Variants in FBXL3 observed in about 807,000 individuals in gnomAD.
FBXL3 encodes F-box and leucine rich repeat protein 3.
FBXL3 carries 14 observed loss-of-function variants against 37.9 expected under a neutral mutation model. The observed-to-expected ratio is 0.37, with a 90% CI of 0.24 to 0.58. The LOEUF (loss-of-function observed/expected upper bound fraction) is 0.58. FBXL3 is among the 20% of genes least tolerant of loss of function. The pLI is 0.74. For synonymous variants in FBXL3, 194 were observed against 180.1 expected, an observed-to-expected ratio of 1.08 and a Z score of -0.62; for missense variants, 327 against 511.1, an observed-to-expected ratio of 0.64 and a Z score of 3.47.
At chr13:77,011,167 C>T (rs2034544183) in intron 4 of FBXL3, among the ~76,000 whole-genome samples, 1 of 151,840 alleles carries the variant, frequency 6.6e-6, no homozygotes, top group Non-Finnish European at 1.5e-5. Context: ...CGGTGAAACC[C>T]CATCTCTACT....
At chr13:77,015,657 G>A in intron 3 of FBXL3, 77 bp from the exon 4 acceptor site, 1 of 933,568 alleles carries the variant, frequency 1.1e-6, no homozygotes, top group Non-Finnish European at 1.5e-6. Flanking sequence ...TAGTACTACA[G>A]TTTATCTGAA....
At chr13:77,025,436 T>C (rs2034819242) in intron 1 of FBXL3, among the ~76,000 whole-genome samples, 1 of 152,118 alleles carries the variant, frequency 6.6e-6, no homozygotes, top group Non-Finnish European at 1.5e-5. Context: ...TTCCATAAAC[T>C]TTCCAGGTGG....
intron 1 of FBXL3, chr13:77,026,051 G>A (rs1278353098): frequency 2.4e-6 from 1 of 423,172 alleles, no homozygotes; most frequent in Non-Finnish European, 3.2e-6. Context: ...AAATATTTCA[G>A]AGATAACAGA....
At chr13:77,020,021 A>G (rs1442465913) in intron 2 of FBXL3, among the ~76,000 whole-genome samples, 4 of 152,116 alleles carry the variant, frequency 2.6e-5, no homozygotes, top group African/African-American at 4.8e-5. Flanking sequence ...CTTTGTATAC[A>G]ATTTACCATT....
intron 4 of FBXL3, 69 bp from the exon 5 acceptor site, chr13:77,007,857 A>T: frequency 7.4e-7 from 1 of 1,358,196 alleles, no homozygotes; most frequent in Non-Finnish European, 9.9e-7. Flanking sequence ...TCAATCAAGT[A>T]CATGTCCCAC....
chr13:77,014,588 G>T (rs117870483), intron 4 of FBXL3: 1 of 152,118 alleles, frequency 6.6e-6, no homozygotes. Context: ...CATCTAAAAT[G>T]GAATCATTTC....
rs1179294511 is a variant in FBXL3, at chr13:77,021,824, A to G, written c.37T>C (p.Ser13Pro). Residue 13 changes from serine to proline, a missense_variant, in exon 2 of 5, where the codon TCA becomes CCA. Physicochemically the swap from Ser to Pro is moderately conservative, Grantham distance 74. Coordinates refer to ENST00000355619, the MANE Select transcript of FBXL3 (RefSeq NM_012158.4). The part of the protein sequence containing the change: ...RGGRDSDRNS[S>P]EEGTAEKSKK... ...GATTTCTCTGCAGTTCCTTCTTCTGATGAATTACGGTCACTATCTCTTCCT... is the reference window on the plus strand; with the variant it reads ...GATTTCTCTGCAGTTCCTTCTTCTGGTGAATTACGGTCACTATCTCTTCCT... The G allele has an allele frequency of 1.2e-6, 2 of 1,613,154 alleles. No individual in the cohort carries two copies. Among genetic ancestry groups the G allele is most frequent in the Non-Finnish European group, 8.5e-7 (1 of 1,179,906 alleles).
In FBXL3 at chr13:77,027,137, C is replaced by G. The variant is rs886993491; in HGVS notation, c.-312G>C. Reference sequence around the variant, plus strand: ...GCTGCCACCGCGTAAGCTTCCTGCACCTGGGCCACAAACAGCGAGTCTAAA... The same window carrying G: ...GCTGCCACCGCGTAAGCTTCCTGCAGCTGGGCCACAAACAGCGAGTCTAAA... On this transcript the variant is annotated 5_prime_UTR_variant, in exon 1 of 5. Transcript: ENST00000355619. 6.6e-6 allele frequency: 1 copy of G among 151,126 alleles called. No homozygotes were observed. The highest frequency in any genetic ancestry group is 2.4e-5 in the African/African-American group (1 of 41,108). The allele number at this position is 151,126 out of a possible 1,614,324, so 9.4% of individuals were successfully genotyped here. A position where few individuals can be genotyped will look rare whatever the true frequency, so the allele number is the denominator to read the frequency against.
At position 77,005,860 on chromosome 13, in the gene FBXL3, G is replaced by A. The variant is rs1236811478; in HGVS notation, c.*1285C>T. ...TAATATCTACTAGCACTAGTGCCCA[G>A]CATCAAAGTTTATATCATCTTTTAA... On this transcript the variant is annotated 3_prime_UTR_variant, in exon 5 of 5. Coordinates refer to ENST00000355619, the MANE Select transcript of FBXL3 (RefSeq NM_012158.4). 1 of 152,132 alleles carries A rather than the reference G, an allele frequency of 6.6e-6. No individual in the cohort carries two copies. Among genetic ancestry groups the A allele is most frequent in the African/African-American group, 2.4e-5 (1 of 41,390 alleles). 9.4% of individuals were successfully genotyped at this position (152,132 alleles called of 1,614,324 possible). A position where few individuals can be genotyped will look rare whatever the true frequency, so the allele number is the denominator to read the frequency against.
chr13:77,023,345 AGTGTGTGTGTGTGT>A (rs3037568), intron 1 of FBXL3, among the ~76,000 whole-genome samples: 1 of 147,504 alleles, frequency 6.8e-6, no homozygotes, highest in Non-Finnish European at 1.5e-5. Flanking sequence ...AGAGAGAGAG[AGTGTGTGTGTGTGT>A]GTGTGTGTGT....
rs939211428 is a variant in FBXL3, at chr13:77,006,086, GTCC to G, written c.*1056_*1058del. ...AAAATATGATTATGAACTTAAATAT[GTCC>G]TCTTTAAAATTTGCTGTTTATGCTA... On this transcript the variant is annotated 3_prime_UTR_variant, in exon 5 of 5. Coordinates refer to ENST00000355619, the MANE Select transcript of FBXL3 (RefSeq NM_012158.4). 4 of 152,394 alleles carry G rather than the reference GTCC, an allele frequency of 2.6e-5. No individual in the cohort carries two copies. Among genetic ancestry groups the G allele is most frequent in the Admixed American group, 6.6e-5 (1 of 15,260 alleles). The allele number at this position is 152,394 out of a possible 1,614,324, so 9.4% of individuals were successfully genotyped here. A position where few individuals can be genotyped will look rare whatever the true frequency, so the allele number is the denominator to read the frequency against.
chr13:77,026,203 G>C (rs1213708852), intron 1 of FBXL3: 1 of 985,238 alleles, frequency 1.0e-6, no homozygotes, highest in African/African-American at 1.7e-5. Flanking sequence ...CATTTACTGG[G>C]CTGCTTCCTG....
intron 1 of FBXL3, among the ~76,000 whole-genome samples, chr13:77,025,971 G>A (rs1005168214): frequency 6.6e-6 from 1 of 151,968 alleles, no homozygotes; most frequent in Admixed American, 6.6e-5. Flanking sequence ...CTTAGAGAGC[G>A]CACAGTGGCG....
intron 4 of FBXL3, among the ~76,000 whole-genome samples, chr13:77,011,450 G>A (rs1450411170): frequency 3.3e-5 from 5 of 151,394 alleles, no homozygotes; most frequent in East Asian, 2.0e-4. Context: ...GGTCAGGCAC[G>A]GTGGCTCTCG....
chr13:77,018,804 C>T (rs1005954031), intron 2 of FBXL3, 82 bp from the exon 3 acceptor site: 2 of 1,136,354 alleles, frequency 1.8e-6, no homozygotes, highest in Non-Finnish European at 2.4e-6. Context: ...TTCAAGATTA[C>T]TCATGTATAT....
In FBXL3 at chr13:77,015,409, C is replaced by A; in HGVS notation, c.643G>T (p.Gly215Cys). Reference protein sequence around the residue: ...MSSCPHVSPAGILCVADQCHG... With the variant: ...MSSCPHVSPACILCVADQCHG... ...GTGTCTAGCAAAAAACACAACATAC[C>A]TGCTGGAGAGACATGAGGACAGCTG... The change falls in exon 4 of 5, where the codon GGT (glycine) becomes TGT (cysteine). Residue 215 changes from glycine to cysteine, a missense_variant and splice_region_variant. Transcript: ENST00000355619. 1 of 1,536,952 alleles carries A rather than the reference C, an allele frequency of 6.5e-7. No homozygotes were observed. Among genetic ancestry groups the A allele is most frequent in the Non-Finnish European group, 8.7e-7 (1 of 1,143,784 alleles).
At chr13:77,013,105 C>T (rs79325097) in intron 4 of FBXL3, 7,934 of 152,222 alleles carry the variant, frequency 0.052, 374 homozygotes, top group East Asian at 0.21. Context: ...CTTCCCTTCC[C>T]TTCCTGAAGA....
In FBXL3 at chr13:77,015,583, G is replaced by T. The variant is rs772302993; in HGVS notation, c.472-3C>A. On this transcript the variant is annotated splice_polypyrimidine_tract_variant and splice_region_variant and intron_variant, in intron 3 of 4. Coordinates refer to ENST00000355619, the MANE Select transcript of FBXL3 (RefSeq NM_012158.4). ...GTCAGTGCAGAGATAAAGTGAGACTGAAAAGCAAAAAAAATAAAATAAAAA... is the reference window on the plus strand; with the variant it reads ...GTCAGTGCAGAGATAAAGTGAGACTTAAAAGCAAAAAAAATAAAATAAAAA... 6 of 1,495,054 alleles carry T rather than the reference G, an allele frequency of 4.0e-6. No individual in the cohort carries two copies. The South Asian group carries it at 8.4e-5, about 21-fold the overall frequency. The allele number at this position is 1,495,054 out of a possible 1,614,324, so 92.6% of individuals were successfully genotyped here.
chr13:77,007,482 C>A lies in FBXL3; in HGVS notation c.950G>T (p.Arg317Ile). 1 of 1,614,168 alleles carries A rather than the reference C, an allele frequency of 6.2e-7. No homozygotes were observed. The highest frequency in any genetic ancestry group is 8.5e-7 in the Non-Finnish European group (1 of 1,180,020). Reference sequence around the variant, plus strand: ...GCCAAGCACATCTTTGCTTACTGATCTCCCAAAGTACAGATGGGTGGCAGG... The same window carrying A: ...GCCAAGCACATCTTTGCTTACTGATATCCCAAAGTACAGATGGGTGGCAGG... The part of the protein sequence containing the change: ...EIPATHLYFG[R>I]SVSKDVLGRV... Residue 317 changes from arginine to isoleucine, a missense_variant, in exon 5 of 5, where the codon AGA becomes ATA. Physicochemically the swap from Arg to Ile is moderately conservative, Grantham distance 97. Transcript: ENST00000355619.
Sources: allele counts gnomAD v4.1 joint callset (sites outside exome capture counted in the v4.1 genomes callset), GRCh38; gene constraint gnomAD v4.1.1; transcripts MANE v1.5; gene names NCBI Gene and HGNC (gene_info 2026-07-23, HGNC 2026-07-21).